AIG1: variants seen among roughly 807,000 people sequenced by gnomAD.
The protein encoded by AIG1 is androgen induced 1, also known as androgen-induced gene 1 protein.
Under a neutral mutation model 31.4 loss-of-function variants are expected in AIG1, and 23 were observed. The observed-to-expected ratio is 0.73, with a 90% CI of 0.53 to 1.04. The LOEUF is 1.04. Ranked by LOEUF, AIG1 falls within the 50% of genes least tolerant of loss-of-function variation. AIG1 has a pLI of 0.00. For synonymous variants in AIG1, 100 were observed against 110.5 expected (o/e 0.90, Z 0.60); for missense variants, 274 against 295.0 (o/e 0.93, Z 0.52).
chr6:143,180,238 T>C lies in AIG1; in HGVS notation c.399+15055T>C, dbSNP rs114782070. 9.9e-3 allele frequency among the ~76,000 whole-genome samples: 1,510 copies of C among 152,330 alleles called. 20 individuals are homozygous for C. The highest frequency in any genetic ancestry group is 0.035 in the African/African-American group (1,443 of 41,568). ...ACAAACATGTATTGTAAATCTATGA[T>C]CTGCAAATCACCCTGATAGATATTG... is the stretch of plus-strand genomic sequence containing the variant. On this transcript the variant is annotated intron_variant, in intron 3 of 5. Transcript: ENST00000357847.
chr6:143,177,918 C>G (rs1291090115), intron 3 of AIG1, among the ~76,000 whole-genome samples: 1 of 152,146 alleles, frequency 6.6e-6, no homozygotes, highest in East Asian at 1.9e-4. Flanking sequence ...TCTTTGGCAC[C>G]TGGAGGGCAT....
At chr6:143,270,821 A>G (rs56250922) in intron 3 of AIG1, among the ~76,000 whole-genome samples, 17,401 of 152,192 alleles carry the variant, frequency 0.11, 965 homozygotes, top group South Asian at 0.18. Context: ...GTGTGTGTGC[A>G]CATGGGTATG....
chr6:143,198,948 G>A (rs1790475381), intron 3 of AIG1, among the ~76,000 whole-genome samples: 1 of 152,142 alleles, frequency 6.6e-6, no homozygotes, highest in African/African-American at 2.4e-5. Context: ...CTTCTTTCCT[G>A]TCCCAATCTT....
chr6:143,092,019 A>T (rs1296017090), intron 1 of AIG1, among the ~76,000 whole-genome samples: 3 of 152,186 alleles, frequency 2.0e-5, no homozygotes, highest in African/African-American at 7.2e-5. Context: ...AAAATGGTGA[A>T]TCCTTTCCAG....
At chr6:143,242,952 TG>T (rs1794348896) in intron 3 of AIG1, among the ~76,000 whole-genome samples, 1 of 152,316 alleles carries the variant, frequency 6.6e-6, no homozygotes, top group African/African-American at 2.4e-5. Context: ...GGTGAAGTGC[TG>T]TTACTGAGAC....
chr6:143,231,840 GT>G (rs2128631998), intron 3 of AIG1, among the ~76,000 whole-genome samples: 2 of 152,324 alleles, frequency 1.3e-5, no homozygotes, highest in Non-Finnish European at 2.9e-5. Flanking sequence ...TGTAGCTACT[GT>G]GTTTGATAGC....
At chr6:143,144,310 T>G (rs1784537228) in intron 2 of AIG1, among the ~76,000 whole-genome samples, 1 of 152,226 alleles carries the variant, frequency 6.6e-6, no homozygotes, top group Admixed American at 6.5e-5. Context: ...GTGTAGCAAG[T>G]ACTGAGTGCT....
At chr6:143,287,220 C>G (rs1297207893) in intron 4 of AIG1, among the ~76,000 whole-genome samples, 5 of 152,100 alleles carry the variant, frequency 3.3e-5, no homozygotes, top group Non-Finnish European at 5.9e-5. Context: ...ATACAGAGGT[C>G]TCCTTGGTGT....
chr6:143,255,538 A>C (rs1223479720), intron 3 of AIG1, among the ~76,000 whole-genome samples: 1 of 152,068 alleles, frequency 6.6e-6, no homozygotes, highest in Non-Finnish European at 1.5e-5. Flanking sequence ...GCCTAAGCTT[A>C]ATTGCTTTTT....
At chr6:143,316,195 A>G (rs1775725309) in intron 4 of AIG1, among the ~76,000 whole-genome samples, 1 of 152,070 alleles carries the variant, frequency 6.6e-6, no homozygotes, top group African/African-American at 2.4e-5. Flanking sequence ...GTTGCAGCAC[A>G]CCAATGGTGC....
chr6:143,308,142 TG>T (rs1256346363), intron 4 of AIG1, among the ~76,000 whole-genome samples: 5 of 152,268 alleles, frequency 3.3e-5, no homozygotes, highest in Admixed American at 6.5e-5. Context: ...GGGAACTCCC[TG>T]ACCCCTTGCG....
At chr6:143,274,568 G>A (rs1349091460) in intron 3 of AIG1, among the ~76,000 whole-genome samples, 1 of 152,200 alleles carries the variant, frequency 6.6e-6, no homozygotes, top group African/African-American at 2.4e-5. Flanking sequence ...TTTCCAAGGT[G>A]AGAGACTTTA....
chr6:143,343,260 C>T (rs868307320), downstream of AIG1: 21 of 651,340 alleles, frequency 3.2e-5, no homozygotes, highest in Middle Eastern at 5.6e-4. Flanking sequence ...TGGGGGAGCT[C>T]TCTTTGGAAT....
intron 3 of AIG1, among the ~76,000 whole-genome samples, chr6:143,224,552 G>A (rs1792788146): frequency 6.6e-6 from 1 of 152,218 alleles, no homozygotes; most frequent in South Asian, 2.1e-4. Context: ...ATCCAAACCA[G>A]AGCATATTGA....
upstream of AIG1, among the ~76,000 whole-genome samples, chr6:143,059,437 C>G (rs887085090): frequency 6.6e-5 from 10 of 152,066 alleles, no homozygotes; most frequent in South Asian, 6.2e-4. Context: ...TAGATCTACT[C>G]TTTTTTATTT....
intron 3 of AIG1, among the ~76,000 whole-genome samples, chr6:143,217,050 G>C (rs1191366069): frequency 1.3e-5 from 2 of 152,144 alleles, no homozygotes; most frequent in Non-Finnish European, 2.9e-5. Flanking sequence ...CACAATACTT[G>C]ACATATTCAA....
At chr6:143,161,619 G>A (rs1039388582) in intron 2 of AIG1, among the ~76,000 whole-genome samples, 2 of 151,074 alleles carry the variant, frequency 1.3e-5, no homozygotes, top group African/African-American at 4.9e-5. Flanking sequence ...GGAATGTAAG[G>A]TTGGTTTGAC....
At chr6:143,135,782 A>C (rs1783672602) in intron 1 of AIG1, among the ~76,000 whole-genome samples, 1 of 152,190 alleles carries the variant, frequency 6.6e-6, no homozygotes, top group African/African-American at 2.4e-5. Flanking sequence ...CCAATGAGGA[A>C]ATTTACCAAA....
intron 3 of AIG1, among the ~76,000 whole-genome samples, chr6:143,182,707 A>G (rs547695774): frequency 2.6e-5 from 4 of 152,198 alleles, no homozygotes; most frequent in Non-Finnish European, 5.9e-5. Context: ...CTAGAATGGA[A>G]TTTCCATAGG....
Sources: allele counts gnomAD v4.1 joint callset (sites outside exome capture counted in the v4.1 genomes callset), GRCh38; gene constraint gnomAD v4.1.1; transcripts MANE v1.5; gene names NCBI Gene and HGNC (gene_info 2026-07-23, HGNC 2026-07-21).